The following MTHFD2L variants were observed in gnomAD, a reference collection of about 807,000 sequenced individuals.
MTHFD2L encodes the protein methylenetetrahydrofolate dehydrogenase (NADP+ dependent) 2 like, also known as bifunctional methylenetetrahydrofolate dehydrogenase/cyclohydrolase 2, mitochondrial.
In MTHFD2L, 29 loss-of-function variants were observed where a neutral mutation model predicts 34.9. That is an observed-to-expected ratio of 0.83 (90% CI 0.62 to 1.13). The LOEUF (loss-of-function observed/expected upper bound fraction) is 1.13, where lower values mean the gene tolerates loss of function less well. MTHFD2L is among the 50% of genes most tolerant of loss of function. MTHFD2L has a pLI of 0.00. For missense variants in MTHFD2L, 481 were observed against 446.5 expected (o/e 1.08, Z -0.70); for synonymous variants, 167 against 155.7 (o/e 1.07, Z -0.54).
chr4:74,147,283 G>A (rs1300723136), intron 1 of MTHFD2L, among the ~76,000 whole-genome samples: 2 of 151,850 alleles, frequency 1.3e-5, no homozygotes, highest in South Asian at 2.1e-4. Context: ...GTTCTAGGTC[G>A]GCTCTTTAAG....
At chr4:74,208,061 C>G (rs892295537) in intron 5 of MTHFD2L, among the ~76,000 whole-genome samples, 3 of 152,120 alleles carry the variant, frequency 2.0e-5, no homozygotes, top group Non-Finnish European at 4.4e-5. Context: ...GAACCATTGT[C>G]TAACTGGGAC....
intron 1 of MTHFD2L, among the ~76,000 whole-genome samples, chr4:74,134,330 C>T (rs1438344701): frequency 1.3e-5 from 2 of 152,166 alleles, no homozygotes; most frequent in South Asian, 2.1e-4. Flanking sequence ...GGAACACACC[C>T]GTGGCCGGCC....
At chr4:74,254,711 T>G (rs1743772510) in intron 6 of MTHFD2L, among the ~76,000 whole-genome samples, 1 of 152,144 alleles carries the variant, frequency 6.6e-6, no homozygotes, top group African/African-American at 2.4e-5. Flanking sequence ...TAAAACTCAT[T>G]GTGAAGGTAA....
intron 6 of MTHFD2L, among the ~76,000 whole-genome samples, chr4:74,238,599 A>T (rs1465520946): frequency 6.6e-6 from 1 of 152,230 alleles, no homozygotes; most frequent in Non-Finnish European, 1.5e-5. Context: ...CCATCTGACA[A>T]AGGGCTAATA....
chr4:74,260,301 C>T (rs979263916), intron 6 of MTHFD2L, among the ~76,000 whole-genome samples: 2 of 152,128 alleles, frequency 1.3e-5, no homozygotes, highest in South Asian at 4.1e-4. Context: ...CTGTCAGCCC[C>T]CGGCTGTGAA....
chr4:74,155,682 T>A (rs1361457887), upstream of MTHFD2L, among the ~76,000 whole-genome samples: 1 of 151,744 alleles, frequency 6.6e-6, no homozygotes, highest in African/African-American at 2.4e-5. Context: ...ATTAGATTTT[T>A]AAAATCTATT....
chr4:74,247,794 A>G (rs1192771964), intron 6 of MTHFD2L, among the ~76,000 whole-genome samples: 2 of 152,206 alleles, frequency 1.3e-5, no homozygotes, highest in East Asian at 1.9e-4. Context: ...AATGATTTGC[A>G]TATATTGAAC....
intron 2 of MTHFD2L, among the ~76,000 whole-genome samples, chr4:74,116,947 T>A: frequency 6.6e-6 from 1 of 152,250 alleles, no homozygotes; most frequent in East Asian, 1.9e-4. Context: ...ACCAAGTTTA[T>A]AAAGTAAACC....
chr4:74,215,968 G>GA (rs201924757), intron 5 of MTHFD2L, among the ~76,000 whole-genome samples: 72 of 142,074 alleles, frequency 5.1e-4, no homozygotes, highest in South Asian at 6.6e-4. Context: ...TTGTTAGCAG[G>GA]AAAAAAAAAA....
chr4:74,293,997 A>G (rs1233406320), intron 7 of MTHFD2L, among the ~76,000 whole-genome samples: 1 of 152,056 alleles, frequency 6.6e-6, no homozygotes, highest in Non-Finnish European at 1.5e-5. Context: ...ATAAGGAATC[A>G]TCCTTCTTCT....
At chr4:74,134,231 C>A (rs1722746129) in intron 1 of MTHFD2L, among the ~76,000 whole-genome samples, 2 of 152,162 alleles carry the variant, frequency 1.3e-5, no homozygotes, top group East Asian at 1.9e-4. Context: ...GGACTACCAT[C>A]CTCAGCCGTA....
At chr4:74,169,464 C>A (rs1440407) in intron 1 of MTHFD2L, among the ~76,000 whole-genome samples, 1 of 152,154 alleles carries the variant, frequency 6.6e-6, no homozygotes, top group African/African-American at 2.4e-5. Context: ...TCAGCAGTAG[C>A]ATCACTACTC....
intron 3 of MTHFD2L, among the ~76,000 whole-genome samples, chr4:74,178,874 G>A (rs1262512073): frequency 6.6e-6 from 1 of 151,982 alleles, no homozygotes; most frequent in African/African-American, 2.4e-5. Context: ...AGTTCATAGA[G>A]TTGCTAAGTA....
At chr4:74,216,616 A>G (rs1737255758) in intron 5 of MTHFD2L, among the ~76,000 whole-genome samples, 1 of 151,726 alleles carries the variant, frequency 6.6e-6, no homozygotes, top group Non-Finnish European at 1.5e-5. Flanking sequence ...CTCCAGTTGC[A>G]TGTCTAATAC....
At position 74,164,155 on chromosome 4, in the gene MTHFD2L, C is replaced by T. The variant is rs569705247; in HGVS notation, c.143+5874C>T. Among the ~76,000 whole-genome samples the T allele has an allele frequency of 3.9e-5, 6 of 152,238 alleles. No individual in the cohort carries two copies. The East Asian group carries it at 7.7e-4, about 20-fold the overall frequency. ...CCTCCCAAAGTGCTGGGATTACAGG[C>T]GTGAGCCACCATGCCTGGCCAGGTT... On this transcript the variant is annotated intron_variant, in intron 1 of 7. Coordinates refer to ENST00000325278, the MANE Select transcript of MTHFD2L (RefSeq NM_001144978.3).
At chr4:74,225,639 A>G (rs1739027807) in intron 6 of MTHFD2L, among the ~76,000 whole-genome samples, 1 of 152,202 alleles carries the variant, frequency 6.6e-6, no homozygotes, top group Non-Finnish European at 1.5e-5. Context: ...AACAATGTGC[A>G]CTTTGCTAAT....
At chr4:74,217,956 C>T (rs1398215394) in intron 5 of MTHFD2L, among the ~76,000 whole-genome samples, 1 of 152,116 alleles carries the variant, frequency 6.6e-6, no homozygotes, top group African/African-American at 2.4e-5. Context: ...TCACCTGCCC[C>T]ATGCCCTTCT....
At chr4:74,191,299 C>G (rs913165189) in intron 3 of MTHFD2L, among the ~76,000 whole-genome samples, 2 of 151,388 alleles carry the variant, frequency 1.3e-5, no homozygotes, top group African/African-American at 4.9e-5. Context: ...ATTGAATTTT[C>G]AAGGGCATTG....
At chr4:74,152,376 T>G (rs542317005) in intron 1 of MTHFD2L, among the ~76,000 whole-genome samples, 2 of 152,260 alleles carry the variant, frequency 1.3e-5, no homozygotes, top group East Asian at 3.9e-4. Context: ...CATGAATCAA[T>G]TTTAATAATT....
Sources: gnomAD v4.1 joint callset for allele counts (sites outside exome capture counted in the v4.1 genomes callset) on GRCh38, gnomAD v4.1.1 for gene constraint, MANE v1.5 for transcripts, NCBI Gene and HGNC (gene_info 2026-07-23, HGNC 2026-07-21) for gene names.